Variants in ALK observed in about 807,000 individuals in gnomAD.
ALK encodes ALK tyrosine kinase receptor.
A neutral mutation model predicts 163.1 loss-of-function variants in ALK; 74 were observed. The ratio of observed to expected loss-of-function variants is 0.45; its 90% CI spans 0.38 to 0.55. The LOEUF is 0.55. ALK is among the 20% of genes least tolerant of loss of function. The pLI is 0.00. For synonymous variants in ALK, 960 were observed against 843.2 expected, an observed-to-expected ratio of 1.14 and a Z score of -2.40; for missense variants, 2,063 against 2,105.3, an observed-to-expected ratio of 0.98 and a Z score of 0.39.
chr2:29,489,126 TTA>T (rs1369168617), intron 4 of ALK, among the ~76,000 whole-genome samples: 1 of 152,212 alleles, frequency 6.6e-6, no homozygotes, highest in Non-Finnish European at 1.5e-5. Flanking sequence ...AATTACTTAC[TTA>T]TATGTTTACG....
At chr2:29,520,898 G>A (rs1168925949) in intron 4 of ALK, among the ~76,000 whole-genome samples, 2 of 152,152 alleles carry the variant, frequency 1.3e-5, no homozygotes, top group African/African-American at 2.4e-5. Context: ...TTAACAGCCC[G>A]TGATATTCAC....
chr2:29,664,906 A>C (rs1039409605), intron 3 of ALK, among the ~76,000 whole-genome samples: 1 of 152,064 alleles, frequency 6.6e-6, no homozygotes, highest in African/African-American at 2.4e-5. Context: ...CCACCAGTCT[A>C]TCCTCTGGCT....
intron 4 of ALK, among the ~76,000 whole-genome samples, chr2:29,418,466 G>C (rs1406987293): frequency 6.6e-6 from 1 of 152,030 alleles, no homozygotes; most frequent in Non-Finnish European, 1.5e-5. Flanking sequence ...AAGATGTAGG[G>C]GGTACCAGTG....
At chr2:29,521,146 G>A (rs1672801321) in intron 4 of ALK, among the ~76,000 whole-genome samples, 2 of 152,216 alleles carry the variant, frequency 1.3e-5, no homozygotes, top group African/African-American at 4.8e-5. Flanking sequence ...TCTTTCCTTA[G>A]ACTCCCATTA....
In ALK at chr2:29,273,290, C is replaced by G. The variant is rs936000361; in HGVS notation, c.2041+1809G>C. ...CTGGGTGTGGCCTTGGCCTCTGCCT[C>G]CATGAGTCTGCCTGGACCCATAGGC... On this transcript the variant is annotated intron_variant, in intron 11 of 28. Coordinates refer to ENST00000389048, the MANE Select transcript of ALK (RefSeq NM_004304.5). 2.0e-5 allele frequency among the ~76,000 whole-genome samples: 3 copies of G among 152,362 alleles called. No homozygotes were observed. In the East Asian group the frequency reaches 5.8e-4, roughly 29 times the overall value.
intron 3 of ALK, among the ~76,000 whole-genome samples, chr2:29,683,801 A>G (rs554365006): frequency 4.6e-5 from 7 of 152,258 alleles, no homozygotes; most frequent in East Asian, 1.9e-4. Flanking sequence ...GAGCAGCACC[A>G]CTTGCTTCAG....
intron 1 of ALK, among the ~76,000 whole-genome samples, chr2:29,742,389 A>T (rs1421469461): frequency 6.6e-6 from 1 of 152,152 alleles, no homozygotes; most frequent in Non-Finnish European, 1.5e-5. Context: ...CTGAGACCTG[A>T]GCTGGAGTTG....
At chr2:29,222,705 A>G (rs2148169714) in intron 20 of ALK, 98 bp from the exon 21 acceptor site, 1 of 1,016,164 alleles carries the variant, frequency 9.8e-7, no homozygotes. Context: ...TAGTGGACAA[A>G]CACGAGAGGC....
intron 9 of ALK, among the ~76,000 whole-genome samples, chr2:29,290,438 A>G (rs748770949): frequency 1.3e-5 from 2 of 152,228 alleles, no homozygotes; most frequent in Non-Finnish European, 2.9e-5. Flanking sequence ...GCTCCTCCTC[A>G]TAGGCATCCC....
At chr2:29,505,303 C>T (rs945527587) in intron 4 of ALK, among the ~76,000 whole-genome samples, 1 of 152,128 alleles carries the variant, frequency 6.6e-6, no homozygotes, top group Non-Finnish European at 1.5e-5. Flanking sequence ...CAGGGACCTG[C>T]TGCTGTGTAG....
chr2:29,528,355 C>A (rs1042908185), intron 4 of ALK, among the ~76,000 whole-genome samples: 8 of 152,190 alleles, frequency 5.3e-5, no homozygotes, highest in African/African-American at 1.9e-4. Context: ...ACCAATTTTA[C>A]ACAGACAATT....
intron 3 of ALK, among the ~76,000 whole-genome samples, chr2:29,543,777 CTCCT>C (rs1673477263): frequency 6.6e-6 from 1 of 152,202 alleles, no homozygotes. Context: ...CAGCTTCTGT[CTCCT>C]CTATGTGCTC....
intron 13 of ALK, among the ~76,000 whole-genome samples, chr2:29,234,206 T>A (rs1220249126): frequency 6.6e-6 from 1 of 151,990 alleles, no homozygotes; most frequent in Non-Finnish European, 1.5e-5. Context: ...CAAGAAAGAA[T>A]GGGAAAGGTC....
At chr2:29,680,990 T>C (rs1678047442) in intron 3 of ALK, 1 of 152,152 alleles carries the variant, frequency 6.6e-6, no homozygotes, top group African/African-American at 2.4e-5. Flanking sequence ...TGATTGTTTT[T>C]CAGGTGCTTA....
chr2:29,653,386 T>G (rs1677088780), intron 3 of ALK, among the ~76,000 whole-genome samples: 2 of 152,168 alleles, frequency 1.3e-5, no homozygotes, highest in Non-Finnish European at 2.9e-5. Context: ...TTTAGGTACA[T>G]CACATCTTGT....
At position 29,498,030 on chromosome 2, in the gene ALK, G is replaced by A. The variant is rs941614581; in HGVS notation, c.1154+33885C>T. 1.1e-4 allele frequency among the ~76,000 whole-genome samples: 17 copies of A among 152,208 alleles called. No homozygotes were observed. In the East Asian group the frequency reaches 2.1e-3, roughly 19 times the overall value. On this transcript the variant is annotated intron_variant, in intron 4 of 28. Transcript: ENST00000389048. ...AATGCCATTACTACTAACTTCATTA[G>A]GATTCATTTCTTCCTCTCCCCCACT...
intron 4 of ALK, among the ~76,000 whole-genome samples, chr2:29,483,910 T>C (rs955718434): frequency 1.3e-5 from 2 of 152,136 alleles, no homozygotes; most frequent in Admixed American, 1.3e-4. Flanking sequence ...AAAAACAGGT[T>C]TTAATGGATT....
intron 3 of ALK, among the ~76,000 whole-genome samples, chr2:29,570,571 G>T (rs1164400843): frequency 6.6e-6 from 1 of 152,156 alleles, no homozygotes; most frequent in South Asian, 2.1e-4. Context: ...ATAGAAACAG[G>T]GTCTGCAGGA....
intron 9 of ALK, among the ~76,000 whole-genome samples, chr2:29,281,498 G>C (rs765155144): frequency 6.6e-6 from 1 of 152,198 alleles, no homozygotes; most frequent in Non-Finnish European, 1.5e-5. Flanking sequence ...TTCATAGTTC[G>C]TACCTGCTCA....
Sources: gnomAD v4.1 joint callset for allele counts (sites outside exome capture counted in the v4.1 genomes callset) on GRCh38, gnomAD v4.1.1 for gene constraint, MANE v1.5 for transcripts, NCBI Gene and HGNC (gene_info 2026-07-23, HGNC 2026-07-21) for gene names.